The following VIT variants were observed in gnomAD, a reference collection of about 807,000 sequenced individuals.
VIT encodes the protein vitrin.
In VIT, 99 loss-of-function variants were observed where a neutral mutation model predicts 78.0. That is an observed-to-expected ratio of 1.27 (90% CI 1.08 to 1.50). The LOEUF (loss-of-function observed/expected upper bound fraction) is 1.50. Ranked by LOEUF, VIT falls within the 40% of genes most tolerant of loss-of-function variation. The probability of loss-of-function intolerance (pLI) is 0.00; values close to 1 mark genes in which losing one functional copy is unlikely to be tolerated. For missense variants in VIT, 1,126 were observed against 875.3 expected (o/e 1.29, Z -3.61); for synonymous variants, 374 against 334.3 (o/e 1.12, Z -1.29).
At position 36,814,437 on chromosome 2, in the gene VIT, C is replaced by A; in HGVS notation, c.*76C>A. The A allele has an allele frequency of 6.6e-7, 1 of 1,514,302 alleles. No homozygotes were observed. Among genetic ancestry groups the A allele is most frequent in the Non-Finnish European group, 9.0e-7 (1 of 1,109,480 alleles). 93.8% of individuals were successfully genotyped at this position (1,514,302 alleles called of 1,614,324 possible). Reference sequence around the variant, plus strand: ...TGGACCACCCCACCGCTTAATGGGGCACGCACGGTGCATCAAGTCTTGGGC... The same window carrying A: ...TGGACCACCCCACCGCTTAATGGGGAACGCACGGTGCATCAAGTCTTGGGC... On this transcript the variant is annotated 3_prime_UTR_variant, in exon 16 of 16. Coordinates refer to ENST00000379242, the MANE Select transcript of VIT (RefSeq NM_053276.4).
chr2:36,793,750 G>C (rs1175863847), intron 12 of VIT, among the ~76,000 whole-genome samples: 1 of 152,156 alleles, frequency 6.6e-6, no homozygotes, highest in Non-Finnish European at 1.5e-5. Context: ...AGGGAATTAT[G>C]ATTAGTTAAT....
intron 11 of VIT, among the ~76,000 whole-genome samples, chr2:36,786,472 A>G (rs1009671384): frequency 6.6e-6 from 1 of 152,138 alleles, no homozygotes; most frequent in African/African-American, 2.4e-5. Flanking sequence ...TCATATATCC[A>G]CAGAGATCCA....
intron 11 of VIT, among the ~76,000 whole-genome samples, chr2:36,786,314 T>C (rs1189148268): frequency 6.6e-6 from 1 of 152,190 alleles, no homozygotes; most frequent in Non-Finnish European, 1.5e-5. Context: ...GAATAGTCAG[T>C]TTTATACTGA....
chr2:36,732,741 C>T (rs988826643), intron 3 of VIT, among the ~76,000 whole-genome samples: 4 of 152,120 alleles, frequency 2.6e-5, no homozygotes, highest in Non-Finnish European at 4.4e-5. Flanking sequence ...GACAAGTCAA[C>T]AGGCAATGAT....
At chr2:36,745,342 T>A (rs1424129019) in intron 4 of VIT, among the ~76,000 whole-genome samples, 1 of 152,172 alleles carries the variant, frequency 6.6e-6, no homozygotes, top group Non-Finnish European at 1.5e-5. Flanking sequence ...TTTCTAATTC[T>A]GTGAAAAATT....
chr2:36,777,177 GAGAA>G (rs1424375877), intron 9 of VIT, among the ~76,000 whole-genome samples: 10 of 142,840 alleles, frequency 7.0e-5, no homozygotes, highest in African/African-American at 2.5e-4. Flanking sequence ...TGTTTCAAAT[GAGAA>G]AGTGCACAGT....
intron 3 of VIT, among the ~76,000 whole-genome samples, chr2:36,733,900 G>A (rs1667351963): frequency 6.6e-6 from 1 of 152,134 alleles, no homozygotes; most frequent in Non-Finnish European, 1.5e-5. Context: ...CGTTAGCGTC[G>A]ATACCTCAAA....
intron 9 of VIT, 27 bp from the exon 10 acceptor site, chr2:36,781,700 T>C (rs946105917): frequency 6.2e-7 from 1 of 1,613,916 alleles, no homozygotes; most frequent in Admixed American, 1.7e-5. Context: ...AGTAACAAGT[T>C]TGTTTCTTTT....
rs1664784366 is a variant in VIT at position 36,698,043 on chromosome 2, C to G, written c.-19+1070C>G. Among the ~76,000 whole-genome samples, 5 of 152,156 alleles carry G rather than the reference C, an allele frequency of 3.3e-5. No individual in the cohort carries two copies. In the South Asian group the frequency reaches 1.0e-3, roughly 31 times the overall value. On this transcript the variant is annotated intron_variant, in intron 1 of 15. Coordinates refer to ENST00000379242, the MANE Select transcript of VIT (RefSeq NM_053276.4). ...TATGTGTGTTAGCTGCAAGTGGTAGCTAGTGCTGGTAGGAGAGCTGGAAGT... is the reference window on the plus strand; with the variant it reads ...TATGTGTGTTAGCTGCAAGTGGTAGGTAGTGCTGGTAGGAGAGCTGGAAGT...
chr2:36,724,259 C>A (rs751021358), intron 2 of VIT, among the ~76,000 whole-genome samples: 1 of 152,098 alleles, frequency 6.6e-6, no homozygotes, highest in Non-Finnish European at 1.5e-5. Context: ...GACTGAGAAG[C>A]ATTGCTGAGA....
At chr2:36,778,918 G>T (rs1468233292) in intron 9 of VIT, among the ~76,000 whole-genome samples, 1 of 152,192 alleles carries the variant, frequency 6.6e-6, no homozygotes, top group Non-Finnish European at 1.5e-5. Context: ...AGAAACGAGG[G>T]AGCTGAAGGG....
chr2:36,740,930 C>T (rs61565953), intron 3 of VIT, among the ~76,000 whole-genome samples: 5,318 of 152,264 alleles, frequency 0.035, 304 homozygotes, highest in African/African-American at 0.12. Flanking sequence ...CAGATAGAGA[C>T]TCGTTTACAC....
chr2:36,733,968 A>G (rs1221912823), intron 3 of VIT, among the ~76,000 whole-genome samples: 3 of 152,244 alleles, frequency 2.0e-5, no homozygotes. Context: ...TGATAAAAGC[A>G]GGGCTTTAAA....
chr2:36,766,130 A>G (rs1669413708), intron 6 of VIT, among the ~76,000 whole-genome samples: 1 of 152,242 alleles, frequency 6.6e-6, no homozygotes, highest in Non-Finnish European at 1.5e-5. Context: ...ATATTCTCAG[A>G]GCACTAACAA....
intron 12 of VIT, among the ~76,000 whole-genome samples, chr2:36,792,409 T>C (rs1443756959): frequency 2.6e-5 from 4 of 152,158 alleles, no homozygotes; most frequent in African/African-American, 9.7e-5. Context: ...TCCCATGCTT[T>C]TATTTCCCTA....
At chr2:36,741,303 A>G (rs1667820268) in intron 3 of VIT, among the ~76,000 whole-genome samples, 1 of 152,228 alleles carries the variant, frequency 6.6e-6, no homozygotes, top group Non-Finnish European at 1.5e-5. Flanking sequence ...AAAGGTAAAA[A>G]GAAAATAGCC....
intron 12 of VIT, among the ~76,000 whole-genome samples, chr2:36,792,082 C>T (rs1384569911): frequency 6.6e-6 from 1 of 152,112 alleles, no homozygotes; most frequent in Admixed American, 6.6e-5. Flanking sequence ...ACCTGGGGAG[C>T]TTTTTAAAAT....
intron 1 of VIT, among the ~76,000 whole-genome samples, chr2:36,713,079 G>T (rs1456797522): frequency 6.6e-6 from 1 of 152,212 alleles, no homozygotes; most frequent in Admixed American, 6.5e-5. Context: ...TATAAAGTAT[G>T]TCAGAAGTGA....
chr2:36,749,786 A>G (rs140561620), intron 4 of VIT, among the ~76,000 whole-genome samples: 180 of 152,312 alleles, frequency 1.2e-3, no homozygotes, highest in African/African-American at 4.3e-3. Flanking sequence ...GATTTCTGGT[A>G]TCTTTTTCCT....
Sources: allele counts gnomAD v4.1 joint callset (sites outside exome capture counted in the v4.1 genomes callset), GRCh38; gene constraint gnomAD v4.1.1; transcripts MANE v1.5; gene names NCBI Gene and HGNC (gene_info 2026-07-23, HGNC 2026-07-21).